The following SLCO1C1 variants were observed in gnomAD, a reference collection of about 807,000 sequenced individuals.
SLCO1C1 encodes the protein solute carrier organic anion transporter family member 1C1.
In SLCO1C1, 70 loss-of-function variants were observed where a neutral mutation model predicts 76.4. The observed-to-expected ratio is 0.92, with a 90% CI of 0.76 to 1.12. The LOEUF (loss-of-function observed/expected upper bound fraction) is 1.12, where lower values mean the gene tolerates loss of function less well. Ranked by LOEUF, SLCO1C1 falls within the 50% of genes most tolerant of loss-of-function variation. The pLI is 0.00. For missense variants in SLCO1C1, 912 were observed against 823.8 expected (o/e 1.11, Z -1.31); for synonymous variants, 306 against 286.1 (o/e 1.07, Z -0.70).
chr12:20,717,024 C>A, intron 6 of SLCO1C1, 108 bp from the exon 7 acceptor site: 1 of 941,586 alleles, frequency 1.1e-6, no homozygotes, highest in South Asian at 1.6e-5. Flanking sequence ...TGAGTTAAAA[C>A]ATTTTGAGCT....
chr12:20,752,390 T>A lies in SLCO1C1; in HGVS notation c.2001T>A (p.Asn667Lys). Reference sequence around the variant, plus strand: ...CAGTACTTTTCATTTTAAAGAAAAATTATGTTTCAAAACACAGAAGTTTTA... The same window carrying A: ...CAGTACTTTTCATTTTAAAGAAAAAATATGTTTCAAAACACAGAAGTTTTA... ...SIAVLFILKK[N>K]YVSKHRSFIT... The change falls in exon 15 of 15, where the codon AAT becomes AAA. Residue 667 changes from asparagine to lysine, a missense_variant. Asn to Lys is a moderately conservative substitution (Grantham distance 94). Coordinates refer to ENST00000266509, the MANE Select transcript of SLCO1C1 (RefSeq NM_017435.5). The A allele has an allele frequency of 6.2e-6, 10 of 1,613,340 alleles. No homozygotes were observed. Among genetic ancestry groups the A allele is most frequent in the Non-Finnish European group, 8.5e-6 (10 of 1,179,546 alleles).
chr12:20,717,145 G>A lies in SLCO1C1; in HGVS notation c.690G>A (p.Thr230=), dbSNP rs184790684. 27 of 1,601,364 alleles carry A rather than the reference G, an allele frequency of 1.7e-5. No individual in the cohort carries two copies. The highest frequency in any genetic ancestry group is 1.7e-4 in the Middle Eastern group (1 of 6,024). ...NAAFYIGCVQ[T]VAIIGPIFGF... ...TTCTTGGTGCAGGGTGTGTGCAGAC[G>A]GTTGCAATTATAGGACCAATCTTTG... Residue 230 remains threonine (T), a synonymous_variant, in exon 7 of 15, where the codon ACG becomes ACA. Coordinates refer to ENST00000266509, the MANE Select transcript of SLCO1C1 (RefSeq NM_017435.5).
intron 7 of SLCO1C1, among the ~76,000 whole-genome samples, chr12:20,717,995 T>G (rs1947468556): frequency 6.6e-6 from 1 of 152,170 alleles, no homozygotes; most frequent in Non-Finnish European, 1.5e-5. Context: ...TTCTTGCATT[T>G]AAATCAAATA....
intron 13 of SLCO1C1, among the ~76,000 whole-genome samples, chr12:20,748,237 C>T (rs531414702): frequency 1.3e-5 from 2 of 152,192 alleles, no homozygotes; most frequent in South Asian, 4.2e-4. Context: ...CTTTCTCTCC[C>T]ATTTGTTGCG....
At chr12:20,733,372 T>C (rs921773665) in intron 10 of SLCO1C1, among the ~76,000 whole-genome samples, 1 of 152,190 alleles carries the variant, frequency 6.6e-6, no homozygotes, top group African/African-American at 2.4e-5. Context: ...AACAACATGA[T>C]AGCAGAAATA....
At chr12:20,745,549 G>T (rs1393400492) in intron 13 of SLCO1C1, among the ~76,000 whole-genome samples, 1 of 152,140 alleles carries the variant, frequency 6.6e-6, no homozygotes, top group African/African-American at 2.4e-5. Flanking sequence ...CAAAGGCTGG[G>T]TGCGGTGGCT....
In SLCO1C1 at chr12:20,750,791, A is replaced by G; in HGVS notation, c.1915A>G (p.Arg639Gly). The G allele has an allele frequency of 5.0e-6, 8 of 1,613,954 alleles. No homozygotes were observed. The highest frequency in any genetic ancestry group is 1.1e-5 in the South Asian group (1 of 91,084). Residue 639 changes from arginine (R) to glycine (G), a missense_variant and splice_region_variant, in exon 14 of 15, where the codon AGA becomes GGA. Coordinates refer to ENST00000266509, the MANE Select transcript of SLCO1C1 (RefSeq NM_017435.5). ...SCRLYDSNVF[R>G]HIYLGLTVIL... The stretch of plus-strand genomic sequence containing the variant: ...CAGATTATATGATTCAAATGTCTTC[A>G]GGTACCAAATCAAAAGCATTCCCGC...
intron 6 of SLCO1C1, among the ~76,000 whole-genome samples, chr12:20,716,213 T>TA (rs1947354051): frequency 6.6e-6 from 1 of 152,260 alleles, no homozygotes; most frequent in Non-Finnish European, 1.5e-5. Flanking sequence ...TCACAGCTCT[T>TA]ACTCTAACAG....
At position 20,752,334 on chromosome 12, in the gene SLCO1C1, C is replaced by T. The variant is rs748930870; in HGVS notation, c.1945C>T (p.Leu649=). Residue 649 remains leucine, a synonymous_variant, in exon 15 of 15, where the codon CTG becomes TTG. Coordinates refer to ENST00000266509, the MANE Select transcript of SLCO1C1 (RefSeq NM_017435.5). ...RHIYLGLTVI[L]GTVSILLSIA... ...TATATATCTGGGACTAACTGTGATA[C>T]TGGGCACAGTGTCAATTCTCCTAAG... 2.5e-6 allele frequency: 4 copies of T among 1,607,916 alleles called. No individual in the cohort carries two copies. In the Admixed American group the frequency reaches 6.7e-5, roughly 27 times the overall value.
At chr12:20,701,496 C>T (rs758220326) in intron 3 of SLCO1C1, 37 bp downstream of exon 3, 2 of 1,418,726 alleles carry the variant, frequency 1.4e-6, no homozygotes, top group Non-Finnish European at 1.9e-6. Context: ...ATTTTAAGCC[C>T]AAGATCTTCT....
At chr12:20,743,487 T>C (rs1330696628) in intron 13 of SLCO1C1, 118 bp downstream of exon 13, 6 of 663,926 alleles carry the variant, frequency 9.0e-6, no homozygotes, top group African/African-American at 1.8e-5. Context: ...GCAAAGTTCA[T>C]AGTCTTTTTT....
At chr12:20,713,515 A>C (rs962982743) in intron 5 of SLCO1C1, among the ~76,000 whole-genome samples, 4 of 152,230 alleles carry the variant, frequency 2.6e-5, no homozygotes, top group African/African-American at 9.6e-5. Context: ...AGACAGATAC[A>C]GAGAATGACT....
chr12:20,728,460 T>G (rs1410022112), intron 9 of SLCO1C1, among the ~76,000 whole-genome samples: 1 of 151,900 alleles, frequency 6.6e-6, no homozygotes, highest in African/African-American at 2.4e-5. Flanking sequence ...ATGCTTTTTG[T>G]AGACAAGATC....
rs764350970 is a variant in SLCO1C1 at position 20,701,436 on chromosome 12, TTA to T, written c.250_251del (p.Ile84Ter). On this transcript the variant is annotated frameshift_variant, in exon 3 of 15. Transcript: ENST00000266509. LOFTEE classifies it high-confidence loss of function. ...GATATCCCTTCTTCACTGGTGGGAG[TTA>T]TTGATGGTAGTTTTGAAATTGGTAG... 1 of 1,515,140 alleles carries T rather than the reference TTA, an allele frequency of 6.6e-7. No homozygotes were observed. The highest frequency in any genetic ancestry group is 1.3e-5 in the South Asian group (1 of 76,802). The allele number at this position is 1,515,140 out of a possible 1,614,324, so 93.9% of individuals were successfully genotyped here. A position where few individuals can be genotyped will look rare whatever the true frequency, so the allele number is the denominator to read the frequency against.
Position 20,695,437 on chromosome 12 carries a change from A to T in SLCO1C1, c.-396A>T, listed in dbSNP as rs1946226474. On this transcript the variant is annotated 5_prime_UTR_variant, in exon 1 of 15. Coordinates refer to ENST00000266509, the MANE Select transcript of SLCO1C1 (RefSeq NM_017435.5). ...TCTCTCCCATAAAGAAAGCTTTATCACGTGTGGCCTTAAACTTGCAGCAAA... is the reference window on the plus strand; with the variant it reads ...TCTCTCCCATAAAGAAAGCTTTATCTCGTGTGGCCTTAAACTTGCAGCAAA... 3 of 152,120 alleles carry T rather than the reference A, an allele frequency of 2.0e-5. No individual in the cohort carries two copies. Among genetic ancestry groups the T allele is most frequent in the African/African-American group, 7.2e-5 (3 of 41,438 alleles). 9.4% of individuals were successfully genotyped at this position (152,120 alleles called of 1,614,324 possible).
At position 20,717,648 on chromosome 12, in the gene SLCO1C1, C is replaced by CTTTTT. The variant is rs534946900; in HGVS notation, c.775+458_775+462dup. On this transcript the variant is annotated intron_variant, in intron 7 of 14. Coordinates refer to ENST00000266509, the MANE Select transcript of SLCO1C1 (RefSeq NM_017435.5). ...GTCTACTGGCAACCAAACAGCCCTT[C>CTTTTT]TTTTTTTTTTTTTTTTTTTTTTTTT... Among the ~76,000 whole-genome samples, 102 of 42,310 alleles carry CTTTTT rather than the reference C, an allele frequency of 2.4e-3. 11 individuals are homozygous for CTTTTT. Among genetic ancestry groups the CTTTTT allele is most frequent in the Non-Finnish European group, 3.3e-3 (65 of 19,842 alleles). The allele number at this position is 42,310 out of a possible 152,430, so 27.8% of individuals were successfully genotyped here.
At chr12:20,723,920 A>G (rs896197292) in intron 9 of SLCO1C1, among the ~76,000 whole-genome samples, 1 of 152,124 alleles carries the variant, frequency 6.6e-6, no homozygotes, top group Non-Finnish European at 1.5e-5. Context: ...CCAGTGGTAT[A>G]AAATAATTTT....
chr12:20,706,713 G>A (rs915785948), intron 4 of SLCO1C1, among the ~76,000 whole-genome samples: 8 of 152,072 alleles, frequency 5.3e-5, no homozygotes, highest in African/African-American at 1.7e-4. Flanking sequence ...GCTAAGGACA[G>A]GACCCCATGA....
intron 5 of SLCO1C1, among the ~76,000 whole-genome samples, chr12:20,713,205 G>A (rs955614803): frequency 1.3e-5 from 2 of 150,406 alleles, no homozygotes; most frequent in East Asian, 2.0e-4. Flanking sequence ...TCAGCCTCCC[G>A]AGTAGCTGGG....
Sources: allele counts gnomAD v4.1 joint callset (sites outside exome capture counted in the v4.1 genomes callset), GRCh38; gene constraint gnomAD v4.1.1; transcripts MANE v1.5; gene names NCBI Gene and HGNC (gene_info 2026-07-23, HGNC 2026-07-21).